TMEM132B: variants seen among roughly 807,000 people sequenced by gnomAD.
The protein encoded by TMEM132B is transmembrane protein 132B.
In TMEM132B, 18 loss-of-function variants were observed where a neutral mutation model predicts 90.8. The ratio of observed to expected loss-of-function variants is 0.20; its 90% confidence interval spans 0.14 to 0.29. The LOEUF (loss-of-function observed/expected upper bound fraction) is 0.29, where lower values mean the gene tolerates loss of function less well. Among genes scored for constraint, TMEM132B ranks in the 10% least tolerant of loss-of-function variants. The pLI is 1.00. For synonymous variants in TMEM132B, 504 were observed against 523.3 expected (o/e 0.96, Z 0.50); for missense variants, 1,096 against 1,326.8 (o/e 0.83, Z 2.70).
intron 1 of TMEM132B, among the ~76,000 whole-genome samples, chr12:125,342,632 C>T (rs325092): frequency 6.6e-6 from 1 of 152,014 alleles, no homozygotes; most frequent in Non-Finnish European, 1.5e-5. Context: ...TCCACTTCCT[C>T]TCTCTCCCTG....
intron 3 of TMEM132B, among the ~76,000 whole-genome samples, chr12:125,514,855 C>A (rs67480136): frequency 0.24 from 36,386 of 151,862 alleles, 4,793 homozygotes; most frequent in South Asian, 0.36. Flanking sequence ...GGTGCCCTGT[C>A]CCTCTCTGCT....
chr12:125,225,556 C>T (rs1423644583), intron 1 of TMEM132B, among the ~76,000 whole-genome samples: 1 of 152,138 alleles, frequency 6.6e-6, no homozygotes, highest in Non-Finnish European at 1.5e-5. Flanking sequence ...TTAACTCTAT[C>T]GCAGTGGGCT....
At chr12:125,455,378 CCTGTGCTT>C (rs1195948949) in intron 3 of TMEM132B, among the ~76,000 whole-genome samples, 1 of 152,142 alleles carries the variant, frequency 6.6e-6, no homozygotes, top group African/African-American at 2.4e-5. Context: ...GGAATCACAG[CCTGTGCTT>C]AGTGATTAAA....
rs142207061 is a variant in TMEM132B, at chr12:125,312,754, G to A, written c.68-36698G>A. On this transcript the variant is annotated intron_variant, in intron 1 of 8. Coordinates refer to ENST00000682704, the MANE Select transcript of TMEM132B (RefSeq NM_001366854.1). Reference sequence around the variant, plus strand: ...TGCAGAAATCTGTCAGGATTCAGGTGTGAATTCAGAGTTGGCACAGTGGGC... The same window carrying A: ...TGCAGAAATCTGTCAGGATTCAGGTATGAATTCAGAGTTGGCACAGTGGGC... 3.5e-3 allele frequency among the ~76,000 whole-genome samples: 540 copies of A among 152,332 alleles called. 10 individuals carry two copies. Among genetic ancestry groups the A allele is most frequent in the African/African-American group, 0.012 (518 of 41,562 alleles).
chr12:125,399,277 G>A (rs192853977), intron 2 of TMEM132B, among the ~76,000 whole-genome samples: 9 of 152,310 alleles, frequency 5.9e-5, no homozygotes, highest in East Asian at 1.9e-4. Context: ...GCCAGGGATC[G>A]TAGCAGATCA....
intron 1 of TMEM132B, among the ~76,000 whole-genome samples, chr12:125,231,231 G>A (rs961627293): frequency 2.6e-5 from 4 of 151,290 alleles, no homozygotes; most frequent in African/African-American, 9.8e-5. Context: ...GTGTGTGTGT[G>A]TGTGTGTATA....
rs183966885 is a variant in TMEM132B at position 125,295,393 on chromosome 12, G to C, written c.68-54059G>C. 7.2e-5 allele frequency among the ~76,000 whole-genome samples: 11 copies of C among 152,322 alleles called. No individual in the cohort carries two copies. The East Asian group carries it at 1.9e-3, about 27-fold the overall frequency. On this transcript the variant is annotated intron_variant, in intron 1 of 8. Transcript: ENST00000682704. ...GCCTGTTGGGGCAGGAGCTGGAAGG[G>C]AACGTGGACATGAAATGATGGAACA...
chr12:125,308,236 C>G (rs968500445), intron 1 of TMEM132B, among the ~76,000 whole-genome samples: 1 of 149,666 alleles, frequency 6.7e-6, no homozygotes, highest in African/African-American at 2.5e-5. Context: ...AAAAGATATA[C>G]TTTACATAAT....
chr12:125,205,713 A>G (rs905041762), intron 1 of TMEM132B, among the ~76,000 whole-genome samples: 1 of 152,240 alleles, frequency 6.6e-6, no homozygotes, highest in African/African-American at 2.4e-5. Flanking sequence ...TGTGGGCTTC[A>G]GTGTGAGTGT....
rs1354431791 is a variant in TMEM132B at position 125,408,281 on chromosome 12, G to T, written c.960-7250G>T. Among the ~76,000 whole-genome samples, 1 of 152,150 alleles carries T rather than the reference G, an allele frequency of 6.6e-6. No homozygotes were observed. The highest frequency in any genetic ancestry group is 2.4e-5 in the African/African-American group (1 of 41,420). Reference sequence around the variant, plus strand: ...AGTTCCGTTGTCAATGGGTGCTAGGGTCTGAACGTCTGTATCCCCCACAAA... The same window carrying T: ...AGTTCCGTTGTCAATGGGTGCTAGGTTCTGAACGTCTGTATCCCCCACAAA... On this transcript the variant is annotated intron_variant, in intron 2 of 8. Transcript: ENST00000682704. The surrounding 1 kb of genome is among the most constrained non-coding windows in gnomAD (Gnocchi z 5.9).
chr12:125,382,534 A>G (rs772805106), intron 2 of TMEM132B, among the ~76,000 whole-genome samples: 1 of 152,072 alleles, frequency 6.6e-6, no homozygotes, highest in Non-Finnish European at 1.5e-5. Context: ...TGCTTGAGCC[A>G]CTCCATTTCT....
At chr12:125,557,591 C>T (rs533446924) in intron 4 of TMEM132B, among the ~76,000 whole-genome samples, 49 of 152,240 alleles carry the variant, frequency 3.2e-4, no homozygotes, top group Admixed American at 1.6e-3. Context: ...TAGTAGGATG[C>T]ATTTAAGGAA....
chr12:125,216,165 G>A (rs1029463711), intron 1 of TMEM132B, among the ~76,000 whole-genome samples: 2 of 152,204 alleles, frequency 1.3e-5, no homozygotes, highest in Admixed American at 6.5e-5. Flanking sequence ...TTTTCTTACA[G>A]TTCTGGAGGC....
At chr12:125,448,811 GCTC>G (rs1173721519) in intron 3 of TMEM132B, among the ~76,000 whole-genome samples, 1 of 151,992 alleles carries the variant, frequency 6.6e-6, no homozygotes, top group Non-Finnish European at 1.5e-5. Context: ...AGTTTCAGTT[GCTC>G]CTCATTCTTG....
intron 2 of TMEM132B, among the ~76,000 whole-genome samples, chr12:125,391,634 G>A (rs1246355667): frequency 6.6e-6 from 1 of 152,156 alleles, no homozygotes; most frequent in Non-Finnish European, 1.5e-5. Context: ...GTGGACAGTG[G>A]AAGTTCTGCT....
intron 1 of TMEM132B, among the ~76,000 whole-genome samples, chr12:125,208,397 C>T (rs561495010): frequency 1.3e-5 from 2 of 152,298 alleles, no homozygotes; most frequent in East Asian, 3.9e-4. Context: ...AGTTACAAAA[C>T]GTTTTCATCA....
chr12:125,340,085 C>T (rs1877128421), intron 1 of TMEM132B, among the ~76,000 whole-genome samples: 1 of 152,162 alleles, frequency 6.6e-6, no homozygotes, highest in Non-Finnish European at 1.5e-5. Flanking sequence ...CATTAGAAAT[C>T]ATTGGCAGAG....
intron 3 of TMEM132B, among the ~76,000 whole-genome samples, chr12:125,434,550 C>G (rs1201504535): frequency 4.6e-5 from 7 of 152,132 alleles, no homozygotes; most frequent in Non-Finnish European, 1.0e-4. Context: ...GCCTCCCTCC[C>G]CATCCCAGCC....
At chr12:125,382,270 G>A (rs1250246522) in intron 2 of TMEM132B, among the ~76,000 whole-genome samples, 1 of 152,136 alleles carries the variant, frequency 6.6e-6, no homozygotes, top group African/African-American at 2.4e-5. Flanking sequence ...TCTTTTCTTC[G>A]AAGGTAAGTG....
Sources: allele counts gnomAD v4.1 joint callset (sites outside exome capture counted in the v4.1 genomes callset), GRCh38; gene constraint gnomAD v4.1.1; non-coding constraint Gnocchi (gnomAD v3.1); transcripts MANE v1.5; gene names NCBI Gene and HGNC (gene_info 2026-07-23, HGNC 2026-07-21).